Variants in ASH1L observed in about 807,000 individuals in gnomAD.
The protein encoded by ASH1L is ASH1 like histone lysine methyltransferase, also known as histone-lysine N-methyltransferase ASH1L.
A neutral mutation model predicts 269.0 loss-of-function variants in ASH1L; 23 were observed. That is an observed-to-expected ratio of 0.09 (90% CI 0.06 to 0.12). ASH1L has a LOEUF of 0.12. ASH1L is among the 10% of genes least tolerant of loss of function. The probability of loss-of-function intolerance (pLI) is 1.00; values close to 1 mark genes in which losing one functional copy is unlikely to be tolerated. For missense variants in ASH1L, 2,912 were observed against 3,567.8 expected (o/e 0.82, Z 4.68); for synonymous variants, 1,187 against 1,253.5 (o/e 0.95, Z 1.12).
Position 155,481,352 on chromosome 1 carries a change from G to A in ASH1L, c.1518C>T (p.Phe506=). The part of the protein sequence containing the change: ...NEGTCIQQDS[F]SSSEKGSYET... ...CATAAGATCCCTTTTCACTGGATGA[G>A]AAACTGTCTTGCTGAATGCATGTTC... Residue 506 remains phenylalanine (F), a synonymous_variant, in exon 3 of 28, where the codon TTC becomes TTT. Transcript: ENST00000392403. 6.2e-7 allele frequency: 1 copy of A among 1,614,176 alleles called. No homozygotes were observed. The highest frequency in any genetic ancestry group is 8.5e-7 in the Non-Finnish European group (1 of 1,180,002).
chr1:155,551,487 C>T (rs1271190710), intron 1 of ASH1L, among the ~76,000 whole-genome samples: 15 of 150,530 alleles, frequency 1.0e-4, no homozygotes, highest in African/African-American at 2.9e-4. Context: ...GGTGAAACCC[C>T]GTCTCTACTA....
chr1:155,556,677 G>T (rs1671617697), intron 1 of ASH1L, among the ~76,000 whole-genome samples: 2 of 151,964 alleles, frequency 1.3e-5, no homozygotes. Flanking sequence ...TCCTGACCTC[G>T]TGATCTGCCC....
intron 10 of ASH1L, among the ~76,000 whole-genome samples, chr1:155,371,694 C>CT (rs1269263101): frequency 0.021 from 2,927 of 137,402 alleles, 92 homozygotes; most frequent in African/African-American, 0.066. Flanking sequence ...ACCTAATTTA[C>CT]TTTTTTTTTT....
Position 155,343,638 on chromosome 1 carries a change from T to C in ASH1L, c.8086A>G (p.Ile2696Val), listed in dbSNP as rs1392555072. The C allele has an allele frequency of 1.9e-6, 3 of 1,614,174 alleles. No homozygotes were observed. Among genetic ancestry groups the C allele is most frequent in the South Asian group, 1.1e-5 (1 of 91,082 alleles). ...LSHINRDKLD[I>V]FRIEKLWKNE... ...TTCCAAAGCTTCTCAATGCGAAAGA[T>C]GTCAAGTTTATCTCGGTTAATGTGA... The change falls in exon 23 of 28, where the codon ATC (isoleucine) becomes GTC (valine). Residue 2696 changes from isoleucine to valine, a missense_variant. By Grantham distance (29) the Ile-to-Val change is conservative (BLOSUM62 3). Transcript: ENST00000392403. The surrounding 1 kb of genome is among the most constrained non-coding windows in gnomAD (Gnocchi z 6.1).
chr1:155,496,794 A>G (rs924450414), intron 2 of ASH1L, among the ~76,000 whole-genome samples: 2 of 149,630 alleles, frequency 1.3e-5, no homozygotes, highest in African/African-American at 4.9e-5. Flanking sequence ...ATGTGCAATC[A>G]CGCTTGGCTA....
Position 155,349,529 on chromosome 1 carries a change from A to G in ASH1L, c.7421+13T>C, listed in dbSNP as rs1468024995. On this transcript the variant is annotated intron_variant, in intron 18 of 27. Coordinates refer to ENST00000392403, the MANE Select transcript of ASH1L (RefSeq NM_018489.3). ...TTTAAAAACTCAGATGATTCCCACA[A>G]ATGTGAACCTACTTTTTCTTTGGGG... The G allele has an allele frequency of 6.2e-7, 1 of 1,613,884 alleles. No homozygotes were observed. Among genetic ancestry groups the G allele is most frequent in the Non-Finnish European group, 8.5e-7 (1 of 1,179,988 alleles).
At chr1:155,430,778 T>G (rs1428390382) in intron 5 of ASH1L, among the ~76,000 whole-genome samples, 1 of 152,198 alleles carries the variant, frequency 6.6e-6, no homozygotes, top group Non-Finnish European at 1.5e-5. Context: ...ACTTGTTCTT[T>G]TAATTTCTTA....
chr1:155,556,447 TA>T (rs1201383592), intron 1 of ASH1L, among the ~76,000 whole-genome samples: 6 of 151,336 alleles, frequency 4.0e-5, no homozygotes, highest in Non-Finnish European at 8.8e-5. Flanking sequence ...TGTATGTGTA[TA>T]TATATATATT....
intron 1 of ASH1L, among the ~76,000 whole-genome samples, chr1:155,546,856 C>T (rs898416220): frequency 6.6e-6 from 1 of 150,832 alleles, no homozygotes; most frequent in Non-Finnish European, 1.5e-5. Flanking sequence ...TATTGGCCTA[C>T]AATCCAAAGT....
intron 4 of ASH1L, among the ~76,000 whole-genome samples, chr1:155,457,268 G>C (rs1217922437): frequency 6.6e-6 from 1 of 151,976 alleles, no homozygotes; most frequent in Non-Finnish European, 1.5e-5. Flanking sequence ...GCTCCCAATT[G>C]CATGTACAAT....
intron 3 of ASH1L, among the ~76,000 whole-genome samples, chr1:155,464,551 C>T (rs1664535880): frequency 6.6e-6 from 1 of 151,188 alleles, no homozygotes; most frequent in South Asian, 2.1e-4. Flanking sequence ...AATTGGATTT[C>T]AGAATAAATA....
intron 1 of ASH1L, among the ~76,000 whole-genome samples, chr1:155,561,771 C>A (rs1472145228): frequency 6.6e-5 from 10 of 151,810 alleles, no homozygotes; most frequent in Non-Finnish European, 1.2e-4. Flanking sequence ...GACCTTGTCA[C>A]ACAGGTAAAA....
intron 5 of ASH1L, among the ~76,000 whole-genome samples, chr1:155,437,585 C>T (rs1348559302): frequency 6.6e-6 from 1 of 152,124 alleles, no homozygotes; most frequent in African/African-American, 2.4e-5. Context: ...TCACATGATC[C>T]AGCAATTCCA....
chr1:155,411,586 A>AATAAATAAATATATATATAT (rs1297131961), intron 6 of ASH1L, among the ~76,000 whole-genome samples: 31 of 55,150 alleles, frequency 5.6e-4, no homozygotes, highest in East Asian at 1.4e-3. Context: ...TAAATAAATA[A>AATAAATAAATATATATATAT]ATATATATAT....
At chr1:155,534,845 A>T (rs1442044245) in intron 1 of ASH1L, among the ~76,000 whole-genome samples, 1 of 152,222 alleles carries the variant, frequency 6.6e-6, no homozygotes, top group Admixed American at 6.5e-5. Flanking sequence ...AAACCTATTT[A>T]AAATTGCCAT....
chr1:155,483,268 T>G (rs182263085), intron 2 of ASH1L, among the ~76,000 whole-genome samples: 72 of 152,286 alleles, frequency 4.7e-4, no homozygotes, highest in Non-Finnish European at 8.8e-5. Flanking sequence ...AGACGACAAT[T>G]TTCCCTAAGC....
At chr1:155,392,374 T>C (rs753161415) in intron 7 of ASH1L, among the ~76,000 whole-genome samples, 8 of 152,192 alleles carry the variant, frequency 5.3e-5, no homozygotes, top group Non-Finnish European at 1.0e-4. Context: ...ATGCAACCAG[T>C]GTGCTTCTCC....
intron 12 of ASH1L, among the ~76,000 whole-genome samples, chr1:155,366,634 A>C (rs1200934660): frequency 6.6e-6 from 1 of 152,144 alleles, no homozygotes; most frequent in African/African-American, 2.4e-5. Flanking sequence ...ATTCTTAGGG[A>C]CTAGTCTTTT....
intron 7 of ASH1L, among the ~76,000 whole-genome samples, chr1:155,388,412 C>A (rs139244025): frequency 8.0e-4 from 122 of 152,196 alleles, no homozygotes; most frequent in Admixed American, 1.4e-3. Flanking sequence ...CTGCCTCAGG[C>A]TCCTAAGTAG....
Sources: gnomAD v4.1 joint callset for allele counts (sites outside exome capture counted in the v4.1 genomes callset) on GRCh38, gnomAD v4.1.1 for gene constraint, Gnocchi (gnomAD v3.1) non-coding constraint, MANE v1.5 for transcripts, NCBI Gene and HGNC (gene_info 2026-07-23, HGNC 2026-07-21) for gene names.